The following ZC3H4 variants were observed in gnomAD, a reference collection of about 807,000 sequenced individuals.
The protein encoded by ZC3H4 is zinc finger CCCH domain-containing protein 4.
A neutral mutation model predicts 108.3 loss-of-function variants in ZC3H4; 13 were observed. The ratio of observed to expected loss-of-function variants is 0.12; its 90% CI spans 0.08 to 0.19. The LOEUF (loss-of-function observed/expected upper bound fraction) is 0.19. Ranked by LOEUF, ZC3H4 falls within the 10% of genes least tolerant of loss-of-function variation. ZC3H4 has a pLI of 1.00. For missense variants in ZC3H4, 1,734 were observed against 1,838.8 expected (o/e 0.94, Z 1.04); for synonymous variants, 917 against 749.6 (o/e 1.22, Z -3.65).
chr19:47,082,301 A>G lies in ZC3H4; in HGVS notation c.1219-6T>C, dbSNP rs772089550. 8.1e-6 allele frequency: 13 copies of G among 1,605,078 alleles called. No homozygotes were observed. In the African/African-American group the frequency reaches 1.5e-4, roughly 18 times the overall value. ...CTAAAATTACAGTGGTCTCCCTAGAAGAGAAGCAACAAAAACATAAGGTGG... is the reference window on the plus strand; with the variant it reads ...CTAAAATTACAGTGGTCTCCCTAGAGGAGAAGCAACAAAAACATAAGGTGG... On this transcript the variant is annotated splice_polypyrimidine_tract_variant and splice_region_variant and intron_variant, in intron 9 of 14. Coordinates refer to ENST00000253048, the MANE Select transcript of ZC3H4 (RefSeq NM_015168.2).
In ZC3H4 at chr19:47,069,246, G is replaced by A. The variant is rs1399667692; in HGVS notation, c.2244C>T (p.Pro748=). 1.9e-6 allele frequency: 3 copies of A among 1,613,670 alleles called. No individual in the cohort carries two copies. Among genetic ancestry groups the A allele is most frequent in the Non-Finnish European group, 2.5e-6 (3 of 1,179,960 alleles). Residue 748 remains proline (P), a synonymous_variant, in exon 14 of 15, where the codon CCC becomes CCT. Transcript: ENST00000253048. ...LEPDSFSEGG[P]PGRPKPGAGV... ...CGGCGCCTGGCTTCGGCCGGCCTGG[G>A]GGCCCTCCCTCAGAGAAGCTGTCGG...
rs1347891983 is a variant in ZC3H4 at position 47,066,263 on chromosome 19, C to T, written c.*93G>A. ...AAGAAAAGAAAAAAGGAACACCCAG[C>T]CTGCCTCCCCTTGCCCCCAAGTTCC... On this transcript the variant is annotated 3_prime_UTR_variant, in exon 15 of 15. Transcript: ENST00000253048. 4.0e-6 allele frequency: 4 copies of T among 1,005,776 alleles called. No homozygotes were observed. The highest frequency in any genetic ancestry group is 1.7e-5 in the African/African-American group (1 of 59,332). The allele number at this position is 1,005,776 out of a possible 1,614,324, so 62.3% of individuals were successfully genotyped here. A position where few individuals can be genotyped will look rare whatever the true frequency, so the allele number is the denominator to read the frequency against.
At chr19:47,093,751 T>G (rs1037162189) in intron 4 of ZC3H4, 11 of 452,406 alleles carry the variant, frequency 2.4e-5, no homozygotes, top group African/African-American at 1.6e-4. Context: ...CTGGTTAATT[T>G]TTTTATTTTT....
At chr19:47,093,401 A>G (rs991276119) in intron 4 of ZC3H4, among the ~76,000 whole-genome samples, 17 of 152,190 alleles carry the variant, frequency 1.1e-4, no homozygotes, top group Admixed American at 3.9e-4. Context: ...CAATTTCCCA[A>G]AAAGGTCATT....
chr19:47,069,481 G>C (rs2057287808), intron 13 of ZC3H4, 138 bp from the exon 14 acceptor site: 2 of 1,151,468 alleles, frequency 1.7e-6, no homozygotes, highest in African/African-American at 1.5e-5. Flanking sequence ...GCCCTCCCCA[G>C]GTCTCAGGGG....
In ZC3H4 at chr19:47,071,097, C is replaced by T. The variant is rs141176323; in HGVS notation, c.2146+681G>A. Among the ~76,000 whole-genome samples the T allele has an allele frequency of 3.8e-3, 577 of 152,360 alleles. 2 individuals are homozygous for T. The highest frequency in any genetic ancestry group is 0.013 in the African/African-American group (548 of 41,588). On this transcript the variant is annotated intron_variant, in intron 13 of 14. Coordinates refer to ENST00000253048, the MANE Select transcript of ZC3H4 (RefSeq NM_015168.2). ...GACTATCCCCACTGAGGCACTGAGCCTTCTGGCCCACCGCCACGGTTCCCC... is the reference window on the plus strand; with the variant it reads ...GACTATCCCCACTGAGGCACTGAGCTTTCTGGCCCACCGCCACGGTTCCCC...
In ZC3H4 at chr19:47,067,641, G is replaced by A. The variant is rs2057239970; in HGVS notation, c.2627C>T (p.Ala876Val). 1.2e-6 allele frequency: 2 copies of A among 1,604,864 alleles called. No individual in the cohort carries two copies. The highest frequency in any genetic ancestry group is 1.7e-6 in the Non-Finnish European group (2 of 1,177,638). Residue 876 changes from alanine to valine, a missense_variant, in exon 15 of 15, where the codon GCT (alanine) becomes GTT (valine). Physicochemically the swap from Ala to Val is moderately conservative, Grantham distance 64. This residue lies in a region of ZC3H4 where 540 missense variants were observed against 484.1 expected (regional missense o/e 1.12). Transcript: ENST00000253048. This position sits in a 1 kb window ranked among gnomAD's most constrained non-coding sequence, Gnocchi z 6.4. Reference protein sequence around the residue: ...RDPRLTRHVEASGGSGPGDSG... With the variant: ...RDPRLTRHVEVSGGSGPGDSG... ...ATCACCTGGGCCAGACCCGCCAGAA[G>A]CCTCCACATGGCGGGTGAGTCTGGG...
In ZC3H4 at chr19:47,072,315, G is replaced by C; in HGVS notation, c.1802+37C>G. On this transcript the variant is annotated intron_variant, in intron 12 of 14. Transcript: ENST00000253048. This position sits in a 1 kb window ranked among gnomAD's most constrained non-coding sequence, Gnocchi z 5.6. ...GAGGAGCCTGGCTGGGCCCAGGACA[G>C]CGCCCACTGCCTGTCACGGGGGTCC... 6.3e-7 allele frequency: 1 copy of C among 1,597,460 alleles called. No homozygotes were observed.
chr19:47,096,895 C>T, intron 2 of ZC3H4: 1 of 985,364 alleles, frequency 1.0e-6, no homozygotes. Flanking sequence ...GTGGCAGCCT[C>T]AGCACGCCCT....
intron 3 of ZC3H4, 140 bp from the exon 4 acceptor site, chr19:47,094,220 G>A: frequency 9.2e-7 from 1 of 1,082,494 alleles, no homozygotes; most frequent in South Asian, 1.4e-5. Context: ...GGCACTTAGT[G>A]GCAATGAAGC....
At chr19:47,103,863 G>T (rs888027463) in intron 2 of ZC3H4, among the ~76,000 whole-genome samples, 2 of 151,968 alleles carry the variant, frequency 1.3e-5, no homozygotes, top group African/African-American at 4.8e-5. Context: ...AGAATGGCAT[G>T]AACCCGGGAG....
At chr19:47,080,364 G>A (rs532273348) in intron 11 of ZC3H4, among the ~76,000 whole-genome samples, 30 of 152,322 alleles carry the variant, frequency 2.0e-4, no homozygotes, top group Admixed American at 3.9e-4. Flanking sequence ...CCCCAAGGGA[G>A]CCTTCCCCTT....
In ZC3H4 at chr19:47,089,950, G is replaced by GT. The variant is rs1568554245; in HGVS notation, c.715+16dup. On this transcript the variant is annotated intron_variant, in intron 5 of 14. Coordinates refer to ENST00000253048, the MANE Select transcript of ZC3H4 (RefSeq NM_015168.2). Reference sequence around the variant, plus strand: ...GCTCCGATGCCCCAGAGGAGAAACTGTAAGGGCAGGGCTCACCTCGGCCGC... The same window carrying GT: ...GCTCCGATGCCCCAGAGGAGAAACTGTTAAGGGCAGGGCTCACCTCGGCCGC... 3.7e-6 allele frequency: 6 copies of GT among 1,613,604 alleles called. No individual in the cohort carries two copies. The highest frequency in any genetic ancestry group is 1.7e-4 in the Middle Eastern group (1 of 6,036).
In ZC3H4 at chr19:47,067,830, CCCTCAT is replaced by C. The variant is rs1265859428; in HGVS notation, c.2432_2437del (p.Asp811_Glu812del). The C allele has an allele frequency of 6.2e-7, 1 of 1,606,662 alleles. No homozygotes were observed. The highest frequency in any genetic ancestry group is 1.1e-5 in the South Asian group (1 of 89,756). The stretch of plus-strand genomic sequence containing the variant: ...CAGGATGGAGGTGACACTGCTTCCA[CCCTCAT>C]CCTCATCACTTGAGTACCAGTTTCC... On this transcript the variant is annotated inframe_deletion, in exon 15 of 15. Transcript: ENST00000253048. This position sits in a 1 kb window ranked among gnomAD's most constrained non-coding sequence, Gnocchi z 6.4.
intron 2 of ZC3H4, among the ~76,000 whole-genome samples, chr19:47,109,719 T>C (rs1362752013): frequency 6.6e-6 from 1 of 152,218 alleles, no homozygotes; most frequent in Non-Finnish European, 1.5e-5. Flanking sequence ...TTTCCTCATC[T>C]ACATGTGCGT....
At chr19:47,080,729 A>G (rs953882491) in intron 11 of ZC3H4, among the ~76,000 whole-genome samples, 3 of 150,620 alleles carry the variant, frequency 2.0e-5, no homozygotes, top group Non-Finnish European at 4.4e-5. Context: ...CAGTGGTGTG[A>G]TCTCAGCTCA....
chr19:47,111,566 T>C (rs922751642), intron 2 of ZC3H4, among the ~76,000 whole-genome samples: 3 of 151,840 alleles, frequency 2.0e-5, no homozygotes, highest in Admixed American at 2.0e-4. Context: ...AGGCTGAGAA[T>C]CCTCCCTCAC....
In ZC3H4 at chr19:47,066,070, C is replaced by A; in HGVS notation, c.*286G>T. ...CACGCAGAGCCCACAGAGTCTGAGG[C>A]CAGGCACTGGCGAAAGTTCACAGGT... On this transcript the variant is annotated 3_prime_UTR_variant, in exon 15 of 15. Transcript: ENST00000253048. 3.3e-6 allele frequency: 1 copy of A among 300,676 alleles called. No individual in the cohort carries two copies. The highest frequency in any genetic ancestry group is 6.1e-6 in the Non-Finnish European group (1 of 163,322). The allele number at this position is 300,676 out of a possible 1,614,324, so 18.6% of individuals were successfully genotyped here. A position where few individuals can be genotyped will look rare whatever the true frequency, so the allele number is the denominator to read the frequency against.
chr19:47,103,956 A>G (rs997987452), intron 2 of ZC3H4, among the ~76,000 whole-genome samples: 2 of 151,530 alleles, frequency 1.3e-5, no homozygotes, highest in Non-Finnish European at 2.9e-5. Flanking sequence ...AAAATATGTA[A>G]AAATAAAAAT....
Sources: allele counts gnomAD v4.1 joint callset (sites outside exome capture counted in the v4.1 genomes callset), GRCh38; gene constraint gnomAD v4.1.1; regional missense constraint gnomAD v4.1.1; non-coding constraint Gnocchi (gnomAD v3.1); transcripts MANE v1.5; gene names NCBI Gene and HGNC (gene_info 2026-07-23, HGNC 2026-07-21).